SCN8A: variants seen among roughly 807,000 people sequenced by gnomAD.
The protein encoded by SCN8A is sodium voltage-gated channel alpha subunit 8.
SCN8A carries 30 observed loss-of-function variants against 184.1 expected under a neutral mutation model. That is an observed-to-expected ratio of 0.16 (90% CI 0.12 to 0.22). The LOEUF (loss-of-function observed/expected upper bound fraction) is 0.22. Among genes scored for constraint, SCN8A ranks in the 10% least tolerant of loss-of-function variants. SCN8A has a pLI of 1.00. For synonymous variants in SCN8A, 852 were observed against 907.0 expected (o/e 0.94, Z 1.09); for missense variants, 1,057 against 2,498.9 (o/e 0.42, Z 12.30).
intron 1 of SCN8A, among the ~76,000 whole-genome samples, chr12:51,604,318 A>G (rs1468594114): frequency 6.6e-6 from 1 of 150,408 alleles, no homozygotes; most frequent in Non-Finnish European, 1.5e-5. Flanking sequence ...TTGTTGTTCA[A>G]AAGACTGTCT....
intron 1 of SCN8A, among the ~76,000 whole-genome samples, chr12:51,638,490 T>G (rs1459877256): frequency 6.9e-6 from 1 of 145,950 alleles, no homozygotes; most frequent in Non-Finnish European, 1.5e-5. Flanking sequence ...AGTTATTCCT[T>G]TTTTTTTTTT....
rs574928821 is a variant in SCN8A at position 51,785,293 on chromosome 12, A to G, written c.3943-1249A>G. On this transcript the variant is annotated intron_variant, in intron 21 of 26. Transcript: ENST00000627620. ...GCTTTCCTTGCTCAACTTAATAAACAAAGTAATAAACACTTTAATGACAGA... is the reference window on the plus strand; with the variant it reads ...GCTTTCCTTGCTCAACTTAATAAACGAAGTAATAAACACTTTAATGACAGA... 2.0e-5 allele frequency among the ~76,000 whole-genome samples: 3 copies of G among 152,370 alleles called. No homozygotes were observed. In the South Asian group the frequency reaches 6.2e-4, roughly 32 times the overall value.
At chr12:51,793,846 C>T (rs1481499119) in intron 25 of SCN8A, among the ~76,000 whole-genome samples, 1 of 148,206 alleles carries the variant, frequency 6.7e-6, no homozygotes, top group East Asian at 2.0e-4. Flanking sequence ...AGACCCGTCT[C>T]TAAAAACAGA....
intron 20 of SCN8A, among the ~76,000 whole-genome samples, chr12:51,779,865 T>C (rs1313147803): frequency 2.0e-5 from 3 of 152,132 alleles, no homozygotes; most frequent in Non-Finnish European, 4.4e-5. Context: ...CTCACCCAAG[T>C]TCTTGTGGCC....
At chr12:51,619,580 T>C (rs1939917381) in intron 1 of SCN8A, among the ~76,000 whole-genome samples, 1 of 152,222 alleles carries the variant, frequency 6.6e-6, no homozygotes, top group Non-Finnish European at 1.5e-5. Context: ...AGCCTTCATA[T>C]AATCTTAAAT....
At chr12:51,778,829 T>C (rs1937795359) in intron 20 of SCN8A, among the ~76,000 whole-genome samples, 1 of 152,130 alleles carries the variant, frequency 6.6e-6, no homozygotes, top group African/African-American at 2.4e-5. Flanking sequence ...TTAAGTAAGC[T>C]AAGCTGATAT....
chr12:51,675,580 G>A (rs1231982498), intron 2 of SCN8A, among the ~76,000 whole-genome samples: 7 of 152,138 alleles, frequency 4.6e-5, no homozygotes, highest in Admixed American at 2.0e-4. Context: ...ACTAGAAGCC[G>A]GGAGATCTAG....
chr12:51,763,150 A>G (rs1942786709), intron 15 of SCN8A, among the ~76,000 whole-genome samples: 1 of 152,188 alleles, frequency 6.6e-6, no homozygotes, highest in Non-Finnish European at 1.5e-5. Flanking sequence ...GAATAAAATA[A>G]GGTTTTTAAA....
At chr12:51,645,978 A>T (rs59094869) in intron 1 of SCN8A, among the ~76,000 whole-genome samples, 6,796 of 135,082 alleles carry the variant, frequency 0.05, 228 homozygotes, top group East Asian at 0.14. Flanking sequence ...ATAATAAAAT[A>T]AAATTAAATA....
At chr12:51,711,141 C>T (rs1327880322) in intron 11 of SCN8A, among the ~76,000 whole-genome samples, 2 of 152,228 alleles carry the variant, frequency 1.3e-5, no homozygotes, top group Non-Finnish European at 2.9e-5. Context: ...TGTAATTTTA[C>T]CCTTGTCTTG....
At chr12:51,765,111 G>A (rs1479893018) in intron 15 of SCN8A, among the ~76,000 whole-genome samples, 1 of 152,006 alleles carries the variant, frequency 6.6e-6, no homozygotes, top group Non-Finnish European at 1.5e-5. Context: ...TGATGTATGT[G>A]GAACTGCCCC....
chr12:51,630,940 G>A (rs1281190453), intron 1 of SCN8A, among the ~76,000 whole-genome samples: 1 of 152,142 alleles, frequency 6.6e-6, no homozygotes, highest in Non-Finnish European at 1.5e-5. Context: ...ATGGCTCTGA[G>A]AGTCCTTCAC....
At position 51,706,552 on chromosome 12, in the gene SCN8A, G is replaced by C. The variant is rs1350447078; in HGVS notation, c.1472G>C (p.Arg491Thr). ...SKLSSKSAKE[R>T]RNRRKKRKQK... ...CTCAGCTCAAAGAGTGCAAAGGAAA[G>C]ACGTAACAGGAGAAAGAAGAGGAAG... Residue 491 changes from arginine (R) to threonine (T), a missense_variant, in exon 11 of 27, where the codon AGA (arginine) becomes ACA (threonine). This residue lies in a region of SCN8A where 322 missense variants were observed against 390.1 expected (regional missense o/e 0.83). Transcript: ENST00000627620. 2.5e-6 allele frequency: 4 copies of C among 1,607,590 alleles called. No individual in the cohort carries two copies. The highest frequency in any genetic ancestry group is 3.4e-6 in the Non-Finnish European group (4 of 1,176,822).
intron 21 of SCN8A, among the ~76,000 whole-genome samples, chr12:51,782,737 T>C (rs1207978572): frequency 2.0e-5 from 3 of 152,202 alleles, no homozygotes; most frequent in East Asian, 3.9e-4. Flanking sequence ...AGTTTGCTCA[T>C]GAGGCAGTTA....
Position 51,721,766 on chromosome 12 carries a change from G to A in SCN8A, c.1856G>A (p.Gly619Asp). The stretch of plus-strand genomic sequence containing the variant: ...CGGAGCAGCTACAGCGGCTACAGCG[G>A]CTACAGCCAGGGCAGCCGCTCCTCG... ...ERRSSYSGYS[G>D]YSQGSRSSRI... The change falls in exon 12 of 27, where the codon GGC (glycine) becomes GAC (aspartate). Residue 619 changes from glycine to aspartate, a missense_variant. Gly to Asp is a moderately conservative substitution (Grantham distance 94). Transcript: ENST00000627620. 1.2e-6 allele frequency: 2 copies of A among 1,609,882 alleles called. No homozygotes were observed. Among genetic ancestry groups the A allele is most frequent in the Non-Finnish European group, 1.7e-6 (2 of 1,178,884 alleles).
chr12:51,635,229 T>C (rs1940289287), intron 1 of SCN8A, among the ~76,000 whole-genome samples: 1 of 152,222 alleles, frequency 6.6e-6, no homozygotes, highest in African/African-American at 2.4e-5. Flanking sequence ...GTATCACTTT[T>C]ATAGAAAACT....
At chr12:51,703,501 A>G (rs1232866018) in intron 9 of SCN8A, among the ~76,000 whole-genome samples, 1 of 152,236 alleles carries the variant, frequency 6.6e-6, no homozygotes. Flanking sequence ...TGGAATTTCC[A>G]TAAGGACCTT....
chr12:51,772,677 C>T (rs866659913), intron 19 of SCN8A, among the ~76,000 whole-genome samples: 5 of 151,900 alleles, frequency 3.3e-5, no homozygotes, highest in South Asian at 2.1e-4. Flanking sequence ...CTGTCCCCCC[C>T]ACTGCCTGTT....
chr12:51,635,604 T>C (rs1940299573), intron 1 of SCN8A, among the ~76,000 whole-genome samples: 2 of 152,184 alleles, frequency 1.3e-5, no homozygotes, highest in African/African-American at 4.8e-5. Context: ...GGCTGAGTAA[T>C]AAGATGTGAG....
Sources: gnomAD v4.1 joint callset for allele counts (sites outside exome capture counted in the v4.1 genomes callset) on GRCh38, gnomAD v4.1.1 for gene constraint, gnomAD v4.1.1 regional missense constraint, MANE v1.5 for transcripts, NCBI Gene and HGNC (gene_info 2026-07-23, HGNC 2026-07-21) for gene names.